The following ARFGEF2 variants were observed in gnomAD, a reference collection of about 807,000 sequenced individuals.
ARFGEF2 encodes the protein brefeldin A-inhibited guanine nucleotide-exchange protein 2.
ARFGEF2 carries 74 observed loss-of-function variants against 219.9 expected under a neutral mutation model. That is an observed-to-expected ratio of 0.34 (90% confidence interval 0.28 to 0.41). ARFGEF2 has a LOEUF of 0.41. ARFGEF2 is among the 10% of genes least tolerant of loss of function. The pLI, the probability that ARFGEF2 is intolerant of heterozygous loss-of-function variation, is 1.00. For missense variants in ARFGEF2, 1,743 were observed against 2,218.3 expected, an observed-to-expected ratio of 0.79 and a Z score of 4.30; for synonymous variants, 733 against 799.2, an observed-to-expected ratio of 0.92 and a Z score of 1.40.
At position 48,998,372 on chromosome 20, in the gene ARFGEF2, A is replaced by G. The variant is rs776990168; in HGVS notation, c.3299A>G (p.Asp1100Gly). The G allele has an allele frequency of 2.5e-6, 4 of 1,614,050 alleles. No individual in the cohort carries two copies. Among genetic ancestry groups the G allele is most frequent in the Non-Finnish European group, 1.7e-6 (2 of 1,180,020 alleles). Residue 1100 changes from aspartate to glycine, a missense_variant, in exon 25 of 39, where the codon GAT becomes GGT. Physicochemically the swap from Asp to Gly is moderately conservative, Grantham distance 94. Transcript: ENST00000371917. Reference protein sequence around the residue: ...FVRWLCAVSMDELASPHHPRM... With the variant: ...FVRWLCAVSMGELASPHHPRM... ...CGCTGGCTGTGTGCTGTGTCCATGGATGAACTGGCTTCCCCCCACCATCCT... is the reference window on the plus strand; with the variant it reads ...CGCTGGCTGTGTGCTGTGTCCATGGGTGAACTGGCTTCCCCCCACCATCCT...
chr20:49,006,830 T>C (rs1413696469), intron 26 of ARFGEF2, among the ~76,000 whole-genome samples: 3 of 151,664 alleles, frequency 2.0e-5, no homozygotes, highest in South Asian at 2.1e-4. Flanking sequence ...TGTCGGCCAT[T>C]GTCAGCACTT....
intron 3 of ARFGEF2, among the ~76,000 whole-genome samples, chr20:48,946,389 G>A (rs956371885): frequency 6.6e-6 from 1 of 151,926 alleles, no homozygotes; most frequent in Non-Finnish European, 1.5e-5. Context: ...ACGCTTCCCC[G>A]CAGCCAGGGC....
Position 49,011,913 on chromosome 20 carries a change from T to C in ARFGEF2, c.3758-11T>C. 6.2e-7 allele frequency: 1 copy of C among 1,614,224 alleles called. No homozygotes were observed. Among genetic ancestry groups the C allele is most frequent in the Non-Finnish European group, 8.5e-7 (1 of 1,180,034 alleles). On this transcript the variant is annotated splice_polypyrimidine_tract_variant and intron_variant, in intron 27 of 38. Coordinates refer to ENST00000371917, the MANE Select transcript of ARFGEF2 (RefSeq NM_006420.3). ...CTGGTCTTATGAAAAATGTGCCTTG[T>C]GTTCCCCCAGCAACTATTTTCCAGC...
Position 48,985,454 on chromosome 20 carries a change from A to G in ARFGEF2, c.2117A>G (p.Glu706Gly), listed in dbSNP as rs753947672. 7 of 1,614,188 alleles carry G rather than the reference A, an allele frequency of 4.3e-6. No homozygotes were observed. The East Asian group carries it at 1.1e-4, about 26-fold the overall frequency. Reference protein sequence around the residue: ...FLGDSARFNKEVMYAYVDQLD... With the variant: ...FLGDSARFNKGVMYAYVDQLD... ...GGAGATAGCGCAAGGTTCAACAAGG[A>G]GGTGATGTATGCCTACGTGGACCAA... Residue 706 changes from glutamate to glycine, a missense_variant, in exon 16 of 39, where the codon GAG (glutamate) becomes GGG (glycine). Around this residue, in one of 5 missense-constraint regions of ARFGEF2, gnomAD observed 666 missense variants for 955.4 expected, o/e 0.70. Transcript: ENST00000371917.
At chr20:48,992,407 A>G (rs1312631800) in intron 21 of ARFGEF2, among the ~76,000 whole-genome samples, 1 of 152,214 alleles carries the variant, frequency 6.6e-6, no homozygotes, top group Non-Finnish European at 1.5e-5. Context: ...TGTAAAGGAC[A>G]GTTTGACATA....
intron 3 of ARFGEF2, among the ~76,000 whole-genome samples, chr20:48,942,975 C>G (rs1200606950): frequency 6.6e-6 from 1 of 152,144 alleles, no homozygotes; most frequent in Non-Finnish European, 1.5e-5. Flanking sequence ...CATGCCTGAA[C>G]AAAGCTTATC....
At chr20:48,942,653 T>G (rs193175908) in intron 3 of ARFGEF2, among the ~76,000 whole-genome samples, 73 of 151,966 alleles carry the variant, frequency 4.8e-4, no homozygotes, top group African/African-American at 1.7e-3. Context: ...CCCGGCTAAT[T>G]TTTTGTATTT....
In ARFGEF2 at chr20:48,984,883, G is replaced by A. The variant is rs754181392; in HGVS notation, c.2070+43G>A. 12 of 1,611,874 alleles carry A rather than the reference G, an allele frequency of 7.4e-6. No individual in the cohort carries two copies. The Admixed American group carries it at 2.0e-4, about 27-fold the overall frequency. ...AGCACTTGCATGTGAGTTCTGTCAG[G>A]TGATTGTGAGCCCTTACCAGTTTTA... On this transcript the variant is annotated intron_variant, in intron 15 of 38. Transcript: ENST00000371917.
At position 48,952,892 on chromosome 20, in the gene ARFGEF2, A is replaced by T. The variant is rs2091080065; in HGVS notation, c.603+8A>T. The T allele has an allele frequency of 5.0e-6, 8 of 1,613,928 alleles. No individual in the cohort carries two copies. The highest frequency in any genetic ancestry group is 6.8e-6 in the Non-Finnish European group (8 of 1,179,726). On this transcript the variant is annotated splice_region_variant and intron_variant, in intron 5 of 38. Transcript: ENST00000371917. ...CGCATGGAAAACCAAGTGGTGAGTG[A>T]CAGCACTTACGTGCTAGGGGCAAGA...
intron 6 of ARFGEF2, among the ~76,000 whole-genome samples, chr20:48,962,845 A>G (rs2091162252): frequency 1.3e-5 from 2 of 152,164 alleles, no homozygotes; most frequent in Admixed American, 6.5e-5. Context: ...ATTAATACAC[A>G]GTCAAAGGAT....
In ARFGEF2 at chr20:48,995,650, T is replaced by C. The variant is rs183813144; in HGVS notation, c.3122-133T>C. 10 of 807,310 alleles carry C rather than the reference T, an allele frequency of 1.2e-5. No individual in the cohort carries two copies. The Admixed American group carries it at 1.4e-4, about 11-fold the overall frequency. The allele number at this position is 807,310 out of a possible 1,614,324, so 50.0% of individuals were successfully genotyped here. A position where few individuals can be genotyped will look rare whatever the true frequency, so the allele number is the denominator to read the frequency against. The stretch of plus-strand genomic sequence containing the variant: ...CTTTAATTTTATCATCAGTGGGTTT[T>C]TGTTTCTTTTTTGAACTTGCAGAGT... On this transcript the variant is annotated intron_variant, in intron 22 of 38. Transcript: ENST00000371917.
intron 1 of ARFGEF2, among the ~76,000 whole-genome samples, chr20:48,924,942 TTTATTA>T (rs1240124970): frequency 6.6e-6 from 1 of 152,220 alleles, no homozygotes; most frequent in Non-Finnish European, 1.5e-5. Context: ...CTATTACTTT[TTTATTA>T]TTATTATTTT....
chr20:48,956,089 G>T (rs62212423), intron 6 of ARFGEF2, among the ~76,000 whole-genome samples: 3 of 152,120 alleles, frequency 2.0e-5, no homozygotes, highest in Non-Finnish European at 4.4e-5. Context: ...CGGAGTCCAG[G>T]CATCAAGGCC....
chr20:48,985,364 C>A (rs746777936), intron 15 of ARFGEF2, 44 bp from the exon 16 acceptor site: 30 of 1,602,514 alleles, frequency 1.9e-5, no homozygotes, highest in Non-Finnish European at 2.6e-5. Flanking sequence ...GCTGAGGGTT[C>A]GTATTTGACA....
chr20:48,972,405 CT>C lies in ARFGEF2; in HGVS notation c.1506del (p.Leu503Ter). On this transcript the variant is annotated frameshift_variant, in exon 11 of 39. Coordinates refer to ENST00000371917, the MANE Select transcript of ARFGEF2 (RefSeq NM_006420.3). LOFTEE classifies it high-confidence loss of function. ...SFEHRWMVIQ[T>X]LTRICADAQC... The stretch of plus-strand genomic sequence containing the variant: ...GAGCACAGGTGGATGGTCATTCAGA[CT>C]CTGACGAGGATCTGTGCAGGTATTT... 1 of 1,613,860 alleles carries C rather than the reference CT, an allele frequency of 6.2e-7. No homozygotes were observed. Among genetic ancestry groups the C allele is most frequent in the Non-Finnish European group, 8.5e-7 (1 of 1,179,736 alleles).
intron 36 of ARFGEF2, among the ~76,000 whole-genome samples, chr20:49,028,165 G>A (rs1472381289): frequency 6.6e-6 from 1 of 152,178 alleles, no homozygotes; most frequent in Non-Finnish European, 1.5e-5. Context: ...GGCTGAGGCA[G>A]GAGAATCGCT....
chr20:48,961,190 G>A (rs2091148344), intron 6 of ARFGEF2, among the ~76,000 whole-genome samples: 1 of 149,290 alleles, frequency 6.7e-6, no homozygotes, highest in Middle Eastern at 3.5e-3. Context: ...TAACTTTTTG[G>A]CTCTTGTAAT....
chr20:48,991,235 A>T, intron 21 of ARFGEF2, 37 bp downstream of exon 21: 1 of 1,613,432 alleles, frequency 6.2e-7, no homozygotes, highest in Non-Finnish European at 8.5e-7. Flanking sequence ...CTCAGTTAGG[A>T]TGACTCCTGG....
chr20:48,980,564 C>T (rs2091288660), intron 14 of ARFGEF2, among the ~76,000 whole-genome samples: 1 of 152,146 alleles, frequency 6.6e-6, no homozygotes, highest in Admixed American at 6.6e-5. Context: ...GTTGATCTGT[C>T]TAATATTGAC....
Sources: gnomAD v4.1 joint callset for allele counts (sites outside exome capture counted in the v4.1 genomes callset) on GRCh38, gnomAD v4.1.1 for gene constraint, gnomAD v4.1.1 regional missense constraint, MANE v1.5 for transcripts, NCBI Gene and HGNC (gene_info 2026-07-23, HGNC 2026-07-21) for gene names.